SLC24A3: variants seen among roughly 807,000 people sequenced by gnomAD.
The protein encoded by SLC24A3 is sodium/potassium/calcium exchanger 3.
Under a neutral mutation model 75.8 loss-of-function variants are expected in SLC24A3, and 28 were observed. The ratio of observed to expected loss-of-function variants is 0.37; its 90% CI spans 0.27 to 0.51. The LOEUF (loss-of-function observed/expected upper bound fraction) is 0.51. Among genes scored for constraint, SLC24A3 ranks in the 20% least tolerant of loss-of-function variants. The pLI is 0.94. For synonymous variants in SLC24A3, 372 were observed against 334.1 expected (o/e 1.11, Z -1.24); for missense variants, 663 against 847.8 (o/e 0.78, Z 2.71).
intron 6 of SLC24A3, among the ~76,000 whole-genome samples, chr20:19,608,191 G>T (rs888104714): frequency 3.9e-5 from 6 of 152,156 alleles, no homozygotes; most frequent in African/African-American, 1.4e-4. Context: ...TCTTGATATT[G>T]GTGTGGGCCG....
chr20:19,516,562 A>G (rs1170075660), intron 3 of SLC24A3, among the ~76,000 whole-genome samples: 1 of 152,214 alleles, frequency 6.6e-6, no homozygotes, highest in African/African-American at 2.4e-5. Context: ...GGCTGTGGCT[A>G]GACCAGTGGT....
At chr20:19,570,492 G>A (rs1017563523) in intron 3 of SLC24A3, among the ~76,000 whole-genome samples, 2 of 152,130 alleles carry the variant, frequency 1.3e-5, no homozygotes, top group Admixed American at 6.5e-5. Context: ...GGAGATCCCT[G>A]GGCCCCAACC....
chr20:19,588,809 A>T (rs528257636), intron 6 of SLC24A3, among the ~76,000 whole-genome samples: 1 of 152,362 alleles, frequency 6.6e-6, no homozygotes, highest in East Asian at 1.9e-4. Context: ...CGTTCAGAGC[A>T]TGTTAAGATT....
At chr20:19,346,863 A>G (rs1985440364) in intron 2 of SLC24A3, among the ~76,000 whole-genome samples, 1 of 152,166 alleles carries the variant, frequency 6.6e-6, no homozygotes, top group African/African-American at 2.4e-5. Flanking sequence ...AAAAAAGAAA[A>G]GAAGAGTAAT....
intron 2 of SLC24A3, among the ~76,000 whole-genome samples, chr20:19,492,746 A>G (rs1208086149): frequency 6.6e-6 from 1 of 152,190 alleles, no homozygotes; most frequent in Non-Finnish European, 1.5e-5. Flanking sequence ...TATCTGTTTC[A>G]TAAATAAGTG....
chr20:19,580,477 G>A (rs897400208), intron 4 of SLC24A3, among the ~76,000 whole-genome samples: 10 of 151,868 alleles, frequency 6.6e-5, no homozygotes, highest in African/African-American at 2.2e-4. Flanking sequence ...ATCCTCGCAG[G>A]ATTAAAAACC....
intron 14 of SLC24A3, among the ~76,000 whole-genome samples, chr20:19,697,121 C>G (rs772468705): frequency 7.9e-5 from 12 of 151,820 alleles, no homozygotes; most frequent in Non-Finnish European, 1.5e-4. Flanking sequence ...GGGGGACCCA[C>G]CTGGTAATTA....
intron 1 of SLC24A3, among the ~76,000 whole-genome samples, chr20:19,267,050 C>T (rs906697864): frequency 6.6e-6 from 1 of 151,728 alleles, no homozygotes; most frequent in Non-Finnish European, 1.5e-5. Flanking sequence ...AATAAAATAG[C>T]GATGAAATGA....
In SLC24A3 at chr20:19,212,965, G is replaced by T. The variant is rs750675336; in HGVS notation, c.123G>T (p.Ser41=). Residue 41 remains serine (S), a synonymous_variant, in exon 1 of 17, where the codon TCG becomes TCT. Transcript: ENST00000328041. ...TGGCGCTGCTGCTCTGGTCGCTGTC[G>T]AGCCTGCGAGAGCAGAAGGGTGAGT... The part of the protein sequence containing the change: ...ASVALLLWSL[S]SLREQKELDL... 1 of 1,303,004 alleles carries T rather than the reference G, an allele frequency of 7.7e-7. No individual in the cohort carries two copies. Among genetic ancestry groups the T allele is most frequent in the South Asian group, 2.7e-5 (1 of 37,692 alleles). 80.7% of individuals were successfully genotyped at this position (1,303,004 alleles called of 1,614,324 possible).
chr20:19,287,431 G>A (rs1983842314), intron 2 of SLC24A3, among the ~76,000 whole-genome samples: 1 of 152,236 alleles, frequency 6.6e-6, no homozygotes, highest in Non-Finnish European at 1.5e-5. Flanking sequence ...AGAAGAAACA[G>A]GTTTGGTGAA....
intron 2 of SLC24A3, among the ~76,000 whole-genome samples, chr20:19,487,032 G>A (rs1433407539): frequency 2.0e-5 from 3 of 152,176 alleles, no homozygotes; most frequent in African/African-American, 7.2e-5. Flanking sequence ...CTTGAACACA[G>A]TTATTTAAAT....
intron 2 of SLC24A3, among the ~76,000 whole-genome samples, chr20:19,347,469 G>A (rs1234419072): frequency 2.6e-5 from 4 of 152,128 alleles, no homozygotes; most frequent in South Asian, 2.1e-4. Context: ...ACTGGTTATC[G>A]GGGGAGCATT....
rs1019819135 is a variant in SLC24A3 at position 19,611,907 on chromosome 20, G to A, written c.612+26363G>A. 2.0e-4 allele frequency among the ~76,000 whole-genome samples: 31 copies of A among 152,206 alleles called. 1 individual carries two copies. Among genetic ancestry groups the A allele is most frequent in the Admixed American group, 1.0e-3 (16 of 15,288 alleles). On this transcript the variant is annotated intron_variant, in intron 6 of 16. Coordinates refer to ENST00000328041, the MANE Select transcript of SLC24A3 (RefSeq NM_020689.4). ...TTCACTCCTGGAATCGTTGCTTCCC[G>A]CAGCCTCCAGGCTCCCCGTTGCCCT...
chr20:19,524,147 C>T (rs2030154576), intron 3 of SLC24A3, among the ~76,000 whole-genome samples: 1 of 152,156 alleles, frequency 6.6e-6, no homozygotes, highest in East Asian at 1.9e-4. Flanking sequence ...TGGTAACACA[C>T]CTTTATTAGA....
chr20:19,431,682 A>T (rs894259860), intron 2 of SLC24A3, among the ~76,000 whole-genome samples: 8 of 152,060 alleles, frequency 5.3e-5, no homozygotes, highest in Non-Finnish European at 1.0e-4. Flanking sequence ...CTGAGTTGAA[A>T]CAGAAAATCA....
At chr20:19,257,518 T>C (rs1982850471) in intron 1 of SLC24A3, 1 of 152,112 alleles carries the variant, frequency 6.6e-6, no homozygotes, top group South Asian at 2.1e-4. Flanking sequence ...AAAACACAAA[T>C]CTCGGCCTCC....
chr20:19,557,591 G>A (rs576118505), intron 3 of SLC24A3, among the ~76,000 whole-genome samples: 20 of 152,186 alleles, frequency 1.3e-4, no homozygotes, highest in Non-Finnish European at 2.9e-4. Flanking sequence ...GCCTGGTGTT[G>A]TTTTCTAGTT....
intron 1 of SLC24A3, among the ~76,000 whole-genome samples, chr20:19,232,558 G>A (rs1160784018): frequency 6.6e-6 from 1 of 152,208 alleles, no homozygotes; most frequent in East Asian, 1.9e-4. Context: ...TTTGAATACT[G>A]TTAACTGAAC....
chr20:19,654,222 C>A (rs796541451), intron 7 of SLC24A3, 86 bp downstream of exon 7: 3 of 1,260,840 alleles, frequency 2.4e-6, no homozygotes, highest in African/African-American at 1.5e-5. Context: ...GGAGTTCACT[C>A]GAGGTCACCG....
Sources: gnomAD v4.1 joint callset for allele counts (sites outside exome capture counted in the v4.1 genomes callset) on GRCh38, gnomAD v4.1.1 for gene constraint, MANE v1.5 for transcripts, NCBI Gene and HGNC (gene_info 2026-07-23, HGNC 2026-07-21) for gene names.